LYSMD2: variants seen among roughly 807,000 people sequenced by gnomAD.
LYSMD2 encodes LysM domain containing 2.
In LYSMD2, 6 loss-of-function variants were observed where a neutral mutation model predicts 17.7. That is an observed-to-expected ratio of 0.34 (90% confidence interval 0.19 to 0.67). The LOEUF is 0.67. Ranked by LOEUF, LYSMD2 falls within the 30% of genes least tolerant of loss-of-function variation. LYSMD2 has a pLI of 0.69. For missense variants in LYSMD2, 237 were observed against 286.7 expected (o/e 0.83, Z 1.25); for synonymous variants, 102 against 129.8 (o/e 0.79, Z 1.45).
At chr15:51,737,758 G>A (rs890316602), upstream of LYSMD2, 33 of 640,880 alleles carry the variant, frequency 5.1e-5, no homozygotes, top group East Asian at 3.7e-4. The surrounding 1 kb of genome is among the most constrained non-coding windows in gnomAD (Gnocchi z 4.2). Context: ...ACGGGAAGCC[G>A]AGGCGGGGAG....
chr15:51,743,132 A>G (rs1282767213), intron 1 of LYSMD2, among the ~76,000 whole-genome samples: 2 of 152,172 alleles, frequency 1.3e-5, no homozygotes, highest in African/African-American at 4.8e-5. Context: ...TACTTCTGTG[A>G]TCAATGGATT....
chr15:51,723,426 T>A lies in LYSMD2; in HGVS notation c.*181A>T, dbSNP rs566305548. 1.9e-6 allele frequency: 1 copy of A among 536,122 alleles called. No individual in the cohort carries two copies. Among genetic ancestry groups the A allele is most frequent in the Admixed American group, 3.4e-5 (1 of 29,764 alleles). 33.2% of individuals were successfully genotyped at this position (536,122 alleles called of 1,614,324 possible). A position where few individuals can be genotyped will look rare whatever the true frequency, so the allele number is the denominator to read the frequency against. ...ATCATGCCATAATAAAGACTTAAAA[T>A]TATAGAAAGCCAGAGGGAACTAATC... is the stretch of plus-strand genomic sequence containing the variant. On this transcript the variant is annotated 3_prime_UTR_variant, in exon 3 of 3. Coordinates refer to ENST00000267838, the MANE Select transcript of LYSMD2 (RefSeq NM_153374.3).
At chr15:51,744,114 C>A (rs1427176953) in intron 1 of LYSMD2, among the ~76,000 whole-genome samples, 2 of 152,128 alleles carry the variant, frequency 1.3e-5, no homozygotes, top group Admixed American at 1.3e-4. Flanking sequence ...TCTTCCTTCT[C>A]AATCCGTATA....
chr15:51,751,294 T>G lies in LYSMD2; in HGVS notation c.-24A>C, dbSNP rs756103841. The G allele has an allele frequency of 6.1e-5, 43 of 702,338 alleles. No homozygotes were observed. The South Asian group carries it at 6.4e-4, about 10-fold the overall frequency. The allele number at this position is 702,338 out of a possible 1,614,324, so 43.5% of individuals were successfully genotyped here. On this transcript the variant is annotated 5_prime_UTR_variant, in exon 1 of 3. Transcript: ENST00000454181. ...ACCTGAGACCGCTCTCAACGCGGCT[T>G]CCGTGTCAGGATGCTCGCTCACAGG...
rs944260678 is a variant in LYSMD2 at position 51,737,445 on chromosome 15, C to A, written c.178G>T (p.Ala60Ser). 1.0e-5 allele frequency: 15 copies of A among 1,430,768 alleles called. No individual in the cohort carries two copies. The African/African-American group carries it at 2.2e-4, about 21-fold the overall frequency. 88.6% of individuals were successfully genotyped at this position (1,430,768 alleles called of 1,614,324 possible). ...TCGATGACGCCGGCGCCCAGCGGCG[C>A]CCGCACGCTGGCGGTGCTGCCGTAC... ...RSYGSTASVRAPLGAGVIERH... is the reference protein window; with the variant it reads ...RSYGSTASVRSPLGAGVIERH... Residue 60 changes from alanine (A) to serine (S), a missense_variant, in exon 1 of 3, where the codon GCG becomes TCG. Physicochemically the swap from Ala to Ser is moderately conservative, Grantham distance 99. Transcript: ENST00000267838. The surrounding 1 kb of genome is among the most constrained non-coding windows in gnomAD (Gnocchi z 4.2).
intron 1 of LYSMD2, among the ~76,000 whole-genome samples, chr15:51,733,564 A>C (rs896867173): frequency 1.3e-5 from 2 of 152,124 alleles, no homozygotes; most frequent in Non-Finnish European, 2.9e-5. Flanking sequence ...CTTAAGAATG[A>C]GATATTTAAG....
Position 51,737,238 on chromosome 15 carries a change from C to CCTCCCCCCA in LYSMD2, c.273+111_273+112insTGGGGGGAG. On this transcript the variant is annotated intron_variant, in intron 1 of 2. Transcript: ENST00000267838. The surrounding 1 kb of genome is among the most constrained non-coding windows in gnomAD (Gnocchi z 4.2). The stretch of plus-strand genomic sequence containing the variant: ...ACGCACGGCCGTCCCTGCGACTCCC[C>CCTCCCCCCA]ATCCCCCAAACCCCCACCCGCAGTC... 1.9e-6 allele frequency: 1 copy of CCTCCCCCCA among 530,552 alleles called. No homozygotes were observed. The highest frequency in any genetic ancestry group is 2.7e-6 in the Non-Finnish European group (1 of 365,244). The allele number at this position is 530,552 out of a possible 1,614,324, so 32.9% of individuals were successfully genotyped here. A position where few individuals can be genotyped will look rare whatever the true frequency, so the allele number is the denominator to read the frequency against.
chr15:51,737,536 C>T lies in LYSMD2; in HGVS notation c.87G>A (p.Ser29=). The change falls in exon 1 of 3, where the codon TCG becomes TCA. Residue 29 remains serine, a synonymous_variant. Coordinates refer to ENST00000267838, the MANE Select transcript of LYSMD2 (RefSeq NM_153374.3). This position sits in a 1 kb window ranked among gnomAD's most constrained non-coding sequence, Gnocchi z 4.2. ...RPSAPSPPPR[S]RSGSESEEAE... is the part of the protein sequence containing the mutation. ...CCTCCTCGGACTCGGAGCCGGAGCG[C>T]GAGCGCGGCGGCGGCGAGGGGGCCG... The T allele has an allele frequency of 8.1e-7, 1 of 1,236,470 alleles. No individual in the cohort carries two copies. The highest frequency in any genetic ancestry group is 1.0e-6 in the Non-Finnish European group (1 of 993,076). The allele number at this position is 1,236,470 out of a possible 1,614,324, so 76.6% of individuals were successfully genotyped here.
chr15:51,746,688 T>G (rs1352364868), intron 1 of LYSMD2, among the ~76,000 whole-genome samples: 1 of 152,108 alleles, frequency 6.6e-6, no homozygotes, highest in African/African-American at 2.4e-5. Context: ...ACACTCAGCT[T>G]CAACCATTAT....
upstream of LYSMD2, chr15:51,737,738 G>C: frequency 1.2e-6 from 1 of 802,698 alleles, no homozygotes; most frequent in Non-Finnish European, 1.6e-6. This position sits in a 1 kb window ranked among gnomAD's most constrained non-coding sequence, Gnocchi z 4.2. Flanking sequence ...CCGTTCCGCG[G>C]GGGCGGCGGA....
chr15:51,727,951 A>T (rs1175105287), intron 1 of LYSMD2, among the ~76,000 whole-genome samples: 1 of 152,190 alleles, frequency 6.6e-6, no homozygotes, highest in Non-Finnish European at 1.5e-5. Flanking sequence ...GGCAGATTTG[A>T]GTCTTGAGTT....
At chr15:51,731,175 G>A (rs1195065801) in intron 1 of LYSMD2, among the ~76,000 whole-genome samples, 1 of 152,162 alleles carries the variant, frequency 6.6e-6, no homozygotes, top group Non-Finnish European at 1.5e-5. Context: ...TCACAACTCT[G>A]TAAATTTACT....
At chr15:51,746,092 C>T (rs1046132794) in intron 1 of LYSMD2, among the ~76,000 whole-genome samples, 3 of 152,172 alleles carry the variant, frequency 2.0e-5, no homozygotes, top group African/African-American at 7.2e-5. Flanking sequence ...ACAGTAATTG[C>T]ACTCCTAGAT....
intron 1 of LYSMD2, among the ~76,000 whole-genome samples, chr15:51,731,011 G>A (rs1312725703): frequency 6.6e-6 from 1 of 152,140 alleles, no homozygotes; most frequent in Non-Finnish European, 1.5e-5. Flanking sequence ...TTCTATTTAT[G>A]GCAAATGTCC....
intron 1 of LYSMD2, among the ~76,000 whole-genome samples, chr15:51,735,522 T>C (rs770984483): frequency 2.0e-5 from 3 of 152,156 alleles, no homozygotes; most frequent in Non-Finnish European, 4.4e-5. Context: ...AGTGCTGAGG[T>C]TGGGAAACCC....
intron 1 of LYSMD2, among the ~76,000 whole-genome samples, chr15:51,747,157 G>A (rs145995036): frequency 0.032 from 4,793 of 151,454 alleles, 119 homozygotes; most frequent in Non-Finnish European, 0.05. Context: ...CCGAGATCAC[G>A]CCATTGCACT....
chr15:51,724,717 A>G (rs2055526057), intron 2 of LYSMD2, 73 bp downstream of exon 2: 1 of 916,112 alleles, frequency 1.1e-6, no homozygotes, highest in Non-Finnish European at 1.5e-6. Context: ...AGAGAAAAGA[A>G]AGATTTGGCC....
intron 1 of LYSMD2, among the ~76,000 whole-genome samples, chr15:51,731,180 TTTACTTAAAGTCATCGAA>T (rs2055574378): frequency 6.6e-6 from 1 of 152,160 alleles, no homozygotes; most frequent in African/African-American, 2.4e-5. Context: ...ACTCTGTAAA[TTTACTTAAAGTCATCGAA>T]TCGTACACTT....
At chr15:51,737,880 C>T (rs2055622992), upstream of LYSMD2, 1 of 265,942 alleles carries the variant, frequency 3.8e-6, no homozygotes. The surrounding 1 kb of genome is among the most constrained non-coding windows in gnomAD (Gnocchi z 4.2). Flanking sequence ...CCGCGGCCTG[C>T]CGGTACCGGG....
Sources: allele counts gnomAD v4.1 joint callset (sites outside exome capture counted in the v4.1 genomes callset), GRCh38; gene constraint gnomAD v4.1.1; non-coding constraint Gnocchi (gnomAD v3.1); transcripts MANE v1.5; gene names NCBI Gene and HGNC (gene_info 2026-07-23, HGNC 2026-07-21).